NALCN: variants seen among roughly 807,000 people sequenced by gnomAD.
NALCN encodes the protein sodium leak channel NALCN.
A neutral mutation model predicts 225.3 loss-of-function variants in NALCN; 111 were observed. The observed-to-expected ratio is 0.49, with a 90% CI of 0.42 to 0.58. The LOEUF (loss-of-function observed/expected upper bound fraction) is 0.58, where lower values mean the gene tolerates loss of function less well. Among genes scored for constraint, NALCN ranks in the 20% least tolerant of loss-of-function variants. The pLI is 0.00. For missense variants in NALCN, 1,378 were observed against 2,202.4 expected, an observed-to-expected ratio of 0.63 and a Z score of 7.49; for synonymous variants, 764 against 769.0, an observed-to-expected ratio of 0.99 and a Z score of 0.11.
At chr13:101,086,586 AC>A (rs2033943687) in intron 30 of NALCN, among the ~76,000 whole-genome samples, 1 of 152,038 alleles carries the variant, frequency 6.6e-6, no homozygotes, top group African/African-American at 2.4e-5. Flanking sequence ...AAAATAATGC[AC>A]ATTCTCAAAT....
intron 3 of NALCN, among the ~76,000 whole-genome samples, chr13:101,379,808 C>T (rs984512064): frequency 6.6e-6 from 1 of 152,016 alleles, no homozygotes; most frequent in African/African-American, 2.4e-5. Context: ...CACGTGTATA[C>T]CTGTGTAACA....
At chr13:101,121,967 T>A (rs201190598) in intron 18 of NALCN, among the ~76,000 whole-genome samples, 1,888 of 134,220 alleles carry the variant, frequency 0.014, 16 homozygotes, top group South Asian at 0.031. Flanking sequence ...TTTTTTTTTT[T>A]TAAAAAAAAT....
intron 39 of NALCN, among the ~76,000 whole-genome samples, chr13:101,065,928 C>G (rs1252884851): frequency 6.6e-6 from 1 of 152,122 alleles, no homozygotes; most frequent in East Asian, 1.9e-4. Flanking sequence ...ACTGAGTGGG[C>G]CATAATGTAC....
rs2034979626 is a variant in NALCN at position 101,104,239 on chromosome 13, C to T, written c.2889+56G>A. On this transcript the variant is annotated intron_variant, in intron 25 of 43. Transcript: ENST00000251127. This position sits in a 1 kb window ranked among gnomAD's most constrained non-coding sequence, Gnocchi z 4.2. ...CCTCTTGCGCTTATACCAAGAAATGCAGGAGATTTTACAAAACCATTACAT... is the reference window on the plus strand; with the variant it reads ...CCTCTTGCGCTTATACCAAGAAATGTAGGAGATTTTACAAAACCATTACAT... 5.8e-6 allele frequency: 9 copies of T among 1,544,656 alleles called. No individual in the cohort carries two copies. The highest frequency in any genetic ancestry group is 6.1e-6 in the Non-Finnish European group (7 of 1,150,458).
At chr13:101,407,029 T>C (rs1467317852) in intron 1 of NALCN, among the ~76,000 whole-genome samples, 1 of 152,176 alleles carries the variant, frequency 6.6e-6, no homozygotes, top group Non-Finnish European at 1.5e-5. Context: ...ATGTATGTAA[T>C]TTTTTACAGA....
At chr13:101,090,690 T>C (rs765893786) in intron 28 of NALCN, among the ~76,000 whole-genome samples, 1 of 152,216 alleles carries the variant, frequency 6.6e-6, no homozygotes, top group Non-Finnish European at 1.5e-5. Flanking sequence ...GATTCCTGAT[T>C]CCTGAAACTC....
At chr13:101,177,939 C>A (rs2039028187) in intron 14 of NALCN, among the ~76,000 whole-genome samples, 3 of 152,166 alleles carry the variant, frequency 2.0e-5, no homozygotes, top group Non-Finnish European at 4.4e-5. Flanking sequence ...TGCCAGCACC[C>A]TTCTTTTCAA....
chr13:101,231,481 TACA>T (rs1424149720), intron 12 of NALCN, among the ~76,000 whole-genome samples: 2 of 152,140 alleles, frequency 1.3e-5, no homozygotes, highest in Admixed American at 6.5e-5. Context: ...GTGTGAAAAA[TACA>T]ACTTTTCATT....
chr13:101,261,400 A>AT (rs1046411796), intron 10 of NALCN, among the ~76,000 whole-genome samples: 1 of 152,170 alleles, frequency 6.6e-6, no homozygotes, highest in African/African-American at 2.4e-5. Flanking sequence ...TATCATTGGT[A>AT]TTTTGATAAG....
intron 10 of NALCN, among the ~76,000 whole-genome samples, chr13:101,276,076 A>G (rs1408464502): frequency 2.3e-4 from 15 of 64,140 alleles, no homozygotes; most frequent in South Asian, 3.9e-4. Flanking sequence ...AAAAAAAAAA[A>G]AAAAAAAAAA....
chr13:101,198,095 G>A (rs1028188183), intron 13 of NALCN, among the ~76,000 whole-genome samples: 2 of 152,096 alleles, frequency 1.3e-5, no homozygotes, highest in Non-Finnish European at 2.9e-5. Context: ...AGTAGAGGGT[G>A]AAAGCACAAC....
rs76011212 is a variant in NALCN, at chr13:101,108,297, T to C, written c.2365-508A>G. 0.018 allele frequency among the ~76,000 whole-genome samples: 2,728 copies of C among 152,222 alleles called. 144 individuals are homozygous for C. The East Asian group carries it at 0.21, about 12-fold the overall frequency. Reference sequence around the variant, plus strand: ...TAAAAAGTAATTCATTCAGCACATATTGATTGAAATCCTATTATGTGCCAG... The same window carrying C: ...TAAAAAGTAATTCATTCAGCACATACTGATTGAAATCCTATTATGTGCCAG... On this transcript the variant is annotated intron_variant, in intron 20 of 43. Transcript: ENST00000251127.
At chr13:101,349,838 T>C (rs2045856251) in intron 6 of NALCN, among the ~76,000 whole-genome samples, 1 of 152,168 alleles carries the variant, frequency 6.6e-6, no homozygotes, top group South Asian at 2.1e-4. Flanking sequence ...TCCACTTGGC[T>C]ACACCACAAG....
chr13:101,106,429 G>T (rs2035104383), intron 22 of NALCN, among the ~76,000 whole-genome samples: 1 of 152,156 alleles, frequency 6.6e-6, no homozygotes, highest in Admixed American at 6.5e-5. Flanking sequence ...TGGCATCAGG[G>T]ACACTCCAAC....
intron 15 of NALCN, among the ~76,000 whole-genome samples, chr13:101,162,330 T>C (rs181587535): frequency 1.3e-5 from 2 of 152,196 alleles, no homozygotes; most frequent in Non-Finnish European, 2.9e-5. Flanking sequence ...GTTGTACACA[T>C]GGTAGGGACT....
chr13:101,113,860 A>T (rs1042914069), intron 18 of NALCN, among the ~76,000 whole-genome samples: 2 of 152,220 alleles, frequency 1.3e-5, no homozygotes, highest in Admixed American at 1.3e-4. Context: ...TATTCCCCTT[A>T]CTAGGCTGTG....
intron 11 of NALCN, among the ~76,000 whole-genome samples, chr13:101,238,807 T>C (rs2041656799): frequency 6.6e-6 from 1 of 151,940 alleles, no homozygotes; most frequent in Non-Finnish European, 1.5e-5. Flanking sequence ...TCTTCTAGAC[T>C]AATGTGGAGT....
chr13:101,364,848 A>C (rs898391413), intron 6 of NALCN, among the ~76,000 whole-genome samples: 2 of 152,140 alleles, frequency 1.3e-5, no homozygotes, highest in African/African-American at 4.8e-5. Context: ...GTACTCCAAA[A>C]ATACTTACAT....
chr13:101,296,221 T>C (rs1191752185), intron 7 of NALCN, among the ~76,000 whole-genome samples: 1 of 152,258 alleles, frequency 6.6e-6, no homozygotes, highest in East Asian at 1.9e-4. Context: ...AAGTTAAAAC[T>C]GTATCTTTCA....
Sources: allele counts gnomAD v4.1 joint callset (sites outside exome capture counted in the v4.1 genomes callset), GRCh38; gene constraint gnomAD v4.1.1; non-coding constraint Gnocchi (gnomAD v3.1); transcripts MANE v1.5; gene names NCBI Gene and HGNC (gene_info 2026-07-23, HGNC 2026-07-21).